YWHAE: variants seen among roughly 807,000 people sequenced by gnomAD.
YWHAE encodes the protein tyrosine 3-monooxygenase/tryptophan 5-monooxygenase activation protein epsilon.
A neutral mutation model predicts 30.1 loss-of-function variants in YWHAE; 4 were observed. The ratio of observed to expected loss-of-function variants is 0.13; its 90% CI spans 0.07 to 0.30. The LOEUF (loss-of-function observed/expected upper bound fraction) is 0.30, where lower values mean the gene tolerates loss of function less well. Ranked by LOEUF, YWHAE falls within the 10% of genes least tolerant of loss-of-function variation. The pLI is 1.00. For missense variants in YWHAE, 121 were observed against 315.9 expected (o/e 0.38, Z 4.68); for synonymous variants, 118 against 111.8 (o/e 1.06, Z -0.35).
intron 4 of YWHAE, among the ~76,000 whole-genome samples, chr17:1,355,172 TGGG>T (rs374523369): frequency 5.5e-5 from 2 of 36,072 alleles, no homozygotes; most frequent in Non-Finnish European, 9.3e-5. Flanking sequence ...TTTTTTTTTT[TGGG>T]GGACGGGGTC....
intron 5 of YWHAE, among the ~76,000 whole-genome samples, chr17:1,347,631 T>A (rs933186641): frequency 6.6e-6 from 1 of 152,034 alleles, no homozygotes; most frequent in South Asian, 2.1e-4. Flanking sequence ...GACAATAACG[T>A]ATTCAAACGT....
intron 1 of YWHAE, among the ~76,000 whole-genome samples, chr17:1,372,919 G>C (rs1163301746): frequency 6.6e-6 from 1 of 152,054 alleles, no homozygotes; most frequent in Non-Finnish European, 1.5e-5. Flanking sequence ...CTGGGTGACA[G>C]AGTGAGACCC....
At chr17:1,359,138 A>G (rs2072811669) in intron 4 of YWHAE, among the ~76,000 whole-genome samples, 1 of 151,872 alleles carries the variant, frequency 6.6e-6, no homozygotes, top group Non-Finnish European at 1.5e-5. Context: ...TCTCCCTCAA[A>G]AAAAAGAAAA....
intron 1 of YWHAE, among the ~76,000 whole-genome samples, chr17:1,386,686 A>G (rs1289037193): frequency 6.6e-6 from 1 of 152,236 alleles, no homozygotes; most frequent in African/African-American, 2.4e-5. Flanking sequence ...ACGGTGGCTC[A>G]CGCCTATAAT....
At chr17:1,374,305 A>C (rs2073092219) in intron 1 of YWHAE, among the ~76,000 whole-genome samples, 1 of 135,690 alleles carries the variant, frequency 7.4e-6, no homozygotes, top group Non-Finnish European at 1.5e-5. Flanking sequence ...CAACAGAGCG[A>C]GACTTGGTCT....
At chr17:1,383,577 T>TG (rs36001389) in intron 1 of YWHAE, among the ~76,000 whole-genome samples, 110,448 of 150,502 alleles carry the variant, frequency 0.73, 41,933 homozygotes, top group African/African-American at 0.93. Context: ...TTAGTAGAGA[T>TG]GGGTTTCGCC....
At chr17:1,345,584 TAAAG>T (rs2072503379) in intron 5 of YWHAE, 85 bp from the exon 6 acceptor site, 1 of 1,395,098 alleles carries the variant, frequency 7.2e-7, no homozygotes, top group Non-Finnish European at 1.0e-6. Flanking sequence ...ATTCCAAGCA[TAAAG>T]ACTCTTCTAC....
intron 5 of YWHAE, among the ~76,000 whole-genome samples, chr17:1,353,513 T>C (rs1276705243): frequency 1.3e-5 from 2 of 148,572 alleles, no homozygotes; most frequent in African/African-American, 5.0e-5. Context: ...CTGTAATCCC[T>C]GCACTTTGGG....
At chr17:1,346,122 C>T (rs1322287760) in intron 5 of YWHAE, among the ~76,000 whole-genome samples, 1 of 152,122 alleles carries the variant, frequency 6.6e-6, no homozygotes, top group South Asian at 2.1e-4. Flanking sequence ...TAAAGAATGG[C>T]ATTTGGACCA....
intron 1 of YWHAE, among the ~76,000 whole-genome samples, chr17:1,397,929 G>A (rs1468122556): frequency 6.6e-6 from 1 of 152,084 alleles, no homozygotes; most frequent in African/African-American, 2.4e-5. Context: ...TAATAATGTG[G>A]CTGTATCAGA....
chr17:1,370,227 C>T (rs1025264914), intron 1 of YWHAE, among the ~76,000 whole-genome samples: 4 of 148,710 alleles, frequency 2.7e-5, no homozygotes, highest in Admixed American at 6.9e-5. Context: ...CCCAGGTTCA[C>T]GCCATTCTCC....
intron 1 of YWHAE, among the ~76,000 whole-genome samples, chr17:1,371,403 G>A (rs762734124): frequency 1.8e-4 from 28 of 151,956 alleles, no homozygotes; most frequent in Non-Finnish European, 4.1e-4. Context: ...TTTTCAATGT[G>A]CAGTAATACA....
At chr17:1,391,985 G>A (rs536487903) in intron 1 of YWHAE, among the ~76,000 whole-genome samples, 3 of 152,214 alleles carry the variant, frequency 2.0e-5, no homozygotes, top group Admixed American at 2.0e-4. Flanking sequence ...GGGAGGCCGA[G>A]GCAGGTGAAT....
intron 1 of YWHAE, among the ~76,000 whole-genome samples, chr17:1,391,895 G>A (rs1417187421): frequency 6.6e-6 from 1 of 152,148 alleles, no homozygotes; most frequent in Non-Finnish European, 1.5e-5. Flanking sequence ...ATCAGCCTGG[G>A]CAATCCGCTG....
intron 1 of YWHAE, among the ~76,000 whole-genome samples, chr17:1,379,363 T>C (rs1181381278): frequency 6.6e-6 from 1 of 152,136 alleles, no homozygotes; most frequent in Non-Finnish European, 1.5e-5. Flanking sequence ...CACACACCTA[T>C]AGTCCCAGCT....
At chr17:1,353,992 C>T (rs1279714435) in intron 5 of YWHAE, among the ~76,000 whole-genome samples, 3 of 152,154 alleles carry the variant, frequency 2.0e-5, no homozygotes, top group Admixed American at 6.6e-5. Flanking sequence ...TGTCCTCAAC[C>T]TTTGAAACAG....
In YWHAE at chr17:1,344,846, A is replaced by G; in HGVS notation, c.*601T>C. 1 of 233,240 alleles carries G rather than the reference A, an allele frequency of 4.3e-6. No individual in the cohort carries two copies. Among genetic ancestry groups the G allele is most frequent in the East Asian group, 6.1e-5 (1 of 16,492 alleles). The allele number at this position is 233,240 out of a possible 1,614,324, so 14.4% of individuals were successfully genotyped here. A position where few individuals can be genotyped will look rare whatever the true frequency, so the allele number is the denominator to read the frequency against. ...GAGAGTAAAGTAGGCAAGAATGAGC[A>G]GCCACGGATTGTTGAACTGTTACCA... On this transcript the variant is annotated 3_prime_UTR_variant, in exon 6 of 6. Coordinates refer to ENST00000264335, the MANE Select transcript of YWHAE (RefSeq NM_006761.5).
Position 1,345,289 on chromosome 17 carries a change from T to TTAAA in YWHAE, c.*157_*158insTTTA. On this transcript the variant is annotated 3_prime_UTR_variant, in exon 6 of 6. Coordinates refer to ENST00000264335, the MANE Select transcript of YWHAE (RefSeq NM_006761.5). ...CCTTTAAGAACTTTTGAAAACTGTTTAAAAAAAAAAAAAAAAAACCAACAG... is the reference window on the plus strand; with the variant it reads ...CCTTTAAGAACTTTTGAAAACTGTTTTAAAAAAAAAAAAAAAAAAAAACCAACAG... 2.0e-6 allele frequency: 1 copy of TTAAA among 507,936 alleles called. No individual in the cohort carries two copies. 31.5% of individuals were successfully genotyped at this position (507,936 alleles called of 1,614,324 possible).
chr17:1,391,888 A>G (rs1179248118), intron 1 of YWHAE, among the ~76,000 whole-genome samples: 4 of 152,180 alleles, frequency 2.6e-5, no homozygotes, highest in Non-Finnish European at 5.9e-5. Context: ...GTTCAACATC[A>G]GCCTGGGCAA....
Sources: allele counts gnomAD v4.1 joint callset (sites outside exome capture counted in the v4.1 genomes callset), GRCh38; gene constraint gnomAD v4.1.1; transcripts MANE v1.5; gene names NCBI Gene and HGNC (gene_info 2026-07-23, HGNC 2026-07-21).